Variants in SRPK2 observed in about 807,000 individuals in gnomAD.
SRPK2 encodes SFRS protein kinase 2.
SRPK2 carries 21 observed loss-of-function variants against 90.8 expected under a neutral mutation model. That is an observed-to-expected ratio of 0.23 (90% CI 0.16 to 0.33). SRPK2 has a LOEUF of 0.33. Ranked by LOEUF, SRPK2 falls within the 10% of genes least tolerant of loss-of-function variation. The pLI is 1.00. For synonymous variants in SRPK2, 288 were observed against 311.1 expected, an observed-to-expected ratio of 0.93 and a Z score of 0.78; for missense variants, 620 against 869.0, an observed-to-expected ratio of 0.71 and a Z score of 3.60.
intron 2 of SRPK2, among the ~76,000 whole-genome samples, chr7:105,365,261 G>A (rs1263962252): frequency 2.0e-5 from 3 of 151,876 alleles, no homozygotes; most frequent in African/African-American, 7.3e-5. Flanking sequence ...GAGGCGGGTG[G>A]ATCACCTGAG....
At chr7:105,243,496 A>C (rs2129625442) in intron 2 of SRPK2, among the ~76,000 whole-genome samples, 1 of 152,078 alleles carries the variant, frequency 6.6e-6, no homozygotes, top group East Asian at 1.9e-4. Context: ...ACATGGTGAA[A>C]CCCTCTCTCT....
At chr7:105,205,897 C>G (rs1796170031) in intron 2 of SRPK2, 1 of 513,822 alleles carries the variant, frequency 1.9e-6, no homozygotes, top group Non-Finnish European at 3.9e-6. Flanking sequence ...AACTCAGAAA[C>G]TTTATATAAA....
chr7:105,364,795 T>C (rs1818845819), intron 2 of SRPK2, among the ~76,000 whole-genome samples: 1 of 152,186 alleles, frequency 6.6e-6, no homozygotes, highest in Admixed American at 6.6e-5. Flanking sequence ...CCTTCTGTGC[T>C]GAACCCCTGG....
intron 2 of SRPK2, among the ~76,000 whole-genome samples, chr7:105,228,647 C>T (rs1351717908): frequency 6.6e-6 from 1 of 152,166 alleles, no homozygotes; most frequent in Non-Finnish European, 1.5e-5. Flanking sequence ...TCTCAGGCCT[C>T]GGGGTCACGG....
At chr7:105,273,088 G>A (rs917776805) in intron 2 of SRPK2, among the ~76,000 whole-genome samples, 7 of 151,882 alleles carry the variant, frequency 4.6e-5, no homozygotes, top group South Asian at 2.1e-4. Flanking sequence ...GGTGGCAGGC[G>A]CCTGTAGTCC....
At chr7:105,281,279 T>C (rs1378400207) in intron 2 of SRPK2, among the ~76,000 whole-genome samples, 1 of 151,884 alleles carries the variant, frequency 6.6e-6, no homozygotes, top group Non-Finnish European at 1.5e-5. Context: ...GTATTTTTAG[T>C]AGAGATGGGT....
chr7:105,274,872 T>A (rs1286179903), intron 2 of SRPK2, among the ~76,000 whole-genome samples: 2 of 150,042 alleles, frequency 1.3e-5, no homozygotes, highest in African/African-American at 4.9e-5. Flanking sequence ...TCCTCGGTAA[T>A]ACTTGTTCTT....
intron 2 of SRPK2, among the ~76,000 whole-genome samples, chr7:105,273,214 CAA>C (rs776610794): frequency 7.6e-4 from 100 of 131,084 alleles, no homozygotes; most frequent in African/African-American, 2.7e-3. Context: ...GACTCCGTCT[CAA>C]AAAAAAAAAA....
chr7:105,390,613 T>G (rs7803776), upstream of SRPK2, among the ~76,000 whole-genome samples: 55,378 of 124,744 alleles, frequency 0.44, 12,487 homozygotes, highest in Non-Finnish European at 0.54. Context: ...TTTTGTTTTT[T>G]TTTTTTTTTT....
At chr7:105,228,257 T>G (rs1385875582) in intron 2 of SRPK2, among the ~76,000 whole-genome samples, 1 of 152,188 alleles carries the variant, frequency 6.6e-6, no homozygotes, top group Non-Finnish European at 1.5e-5. Flanking sequence ...CCTGGGAAAT[T>G]AATGGGCTGT....
intron 7 of SRPK2, among the ~76,000 whole-genome samples, chr7:105,148,440 A>C (rs1484042604): frequency 6.6e-6 from 1 of 152,242 alleles, no homozygotes; most frequent in East Asian, 1.9e-4. Flanking sequence ...GTTTTTCTAT[A>C]ATTATTTCCA....
intron 2 of SRPK2, among the ~76,000 whole-genome samples, chr7:105,331,337 A>AAAAAAAAAAAAAAAAAAAAAAC (rs1554512429): frequency 7.0e-6 from 1 of 141,938 alleles, no homozygotes; most frequent in Non-Finnish European, 1.5e-5. Context: ...AAAAAAAAAA[A>AAAAAAAAAAAAAAAAAAAAAAC]CAAATAGTTA....
chr7:105,387,749 G>A (rs185698630), intron 2 of SRPK2, among the ~76,000 whole-genome samples: 1 of 152,344 alleles, frequency 6.6e-6, no homozygotes, highest in Admixed American at 6.5e-5. Context: ...TCTAGAGGAA[G>A]AGATAACGAT....
chr7:105,320,305 T>C (rs1812799572), intron 2 of SRPK2, among the ~76,000 whole-genome samples: 1 of 152,130 alleles, frequency 6.6e-6, no homozygotes, highest in Admixed American at 6.6e-5. Flanking sequence ...TTAATTCCTC[T>C]AATACAAAAA....
chr7:105,295,778 A>C (rs2131140906), intron 2 of SRPK2, among the ~76,000 whole-genome samples: 1 of 152,328 alleles, frequency 6.6e-6, no homozygotes, highest in South Asian at 2.1e-4. Flanking sequence ...TGGGATATAC[A>C]TTTTACCACA....
intron 2 of SRPK2, among the ~76,000 whole-genome samples, chr7:105,350,919 T>C (rs1817096663): frequency 6.6e-6 from 1 of 152,194 alleles, no homozygotes; most frequent in South Asian, 2.1e-4. Flanking sequence ...GCCAACCCTA[T>C]ACTACATTAA....
At chr7:105,261,469 C>T (rs1182159824) in intron 2 of SRPK2, among the ~76,000 whole-genome samples, 8 of 151,230 alleles carry the variant, frequency 5.3e-5, no homozygotes, top group Non-Finnish European at 2.9e-5. Flanking sequence ...TGCAGTGAGC[C>T]GAGATCGCGC....
intron 2 of SRPK2, among the ~76,000 whole-genome samples, chr7:105,269,395 C>T (rs1442286189): frequency 6.6e-6 from 1 of 152,076 alleles, no homozygotes; most frequent in Admixed American, 6.5e-5. Context: ...AATGTTTAAC[C>T]TTTGTTTTAA....
chr7:105,279,457 G>A (rs1806974291), intron 2 of SRPK2, among the ~76,000 whole-genome samples: 1 of 152,156 alleles, frequency 6.6e-6, no homozygotes, highest in Non-Finnish European at 1.5e-5. Context: ...CAAGAAAAGT[G>A]AGTCATTCTC....
Sources: gnomAD v4.1 joint callset for allele counts (sites outside exome capture counted in the v4.1 genomes callset) on GRCh38, gnomAD v4.1.1 for gene constraint, MANE v1.5 for transcripts, NCBI Gene and HGNC (gene_info 2026-07-23, HGNC 2026-07-21) for gene names.